The following ICA1 variants were observed in gnomAD, a reference collection of about 807,000 sequenced individuals.
The protein encoded by ICA1 is islet cell autoantigen 1, also known as 69 kDa islet cell autoantigen.
A neutral mutation model predicts 71.0 loss-of-function variants in ICA1; 40 were observed. The ratio of observed to expected loss-of-function variants is 0.56; its 90% CI spans 0.44 to 0.73. The LOEUF (loss-of-function observed/expected upper bound fraction) is 0.73. ICA1 is among the 30% of genes least tolerant of loss of function. The pLI is 0.00. For synonymous variants in ICA1, 207 were observed against 209.5 expected, an observed-to-expected ratio of 0.99 and a Z score of 0.10; for missense variants, 578 against 576.5, an observed-to-expected ratio of 1.00 and a Z score of -0.03.
At chr7:8,194,349 T>A (rs1786694055) in intron 6 of ICA1, among the ~76,000 whole-genome samples, 1 of 152,220 alleles carries the variant, frequency 6.6e-6, no homozygotes, top group Admixed American at 6.5e-5. Flanking sequence ...TAAATTACTT[T>A]TTACAAAAGT....
rs371821494 is a variant in ICA1 at position 8,113,740 on chromosome 7, G to A, written c.*183C>T. ...TATTTAGATCCACATAGAGATACAC[G>A]AAAACCCTTTATACCAAATAAGAGT... On this transcript the variant is annotated 3_prime_UTR_variant, in exon 14 of 14. Coordinates refer to ENST00000402384, the MANE Select transcript of ICA1 (RefSeq NM_001136020.3). This position sits in a 1 kb window ranked among gnomAD's most constrained non-coding sequence, Gnocchi z 4.2. The A allele has an allele frequency of 1.2e-4, 74 of 619,594 alleles. 2 individuals carry two copies. Among genetic ancestry groups the A allele is most frequent in the East Asian group, 7.5e-4 (25 of 33,204 alleles). The allele number at this position is 619,594 out of a possible 1,614,324, so 38.4% of individuals were successfully genotyped here. A position where few individuals can be genotyped will look rare whatever the true frequency, so the allele number is the denominator to read the frequency against.
intron 6 of ICA1, among the ~76,000 whole-genome samples, chr7:8,188,825 G>T (rs2128291319): frequency 6.6e-6 from 1 of 152,264 alleles, no homozygotes; most frequent in East Asian, 1.9e-4. Flanking sequence ...AGTACTTACA[G>T]GAATCAAGAC....
intron 3 of ICA1, among the ~76,000 whole-genome samples, chr7:8,232,136 C>G (rs1800450825): frequency 3.3e-5 from 5 of 152,188 alleles, no homozygotes; most frequent in Admixed American, 3.3e-4. Context: ...ATATTGTTAA[C>G]TAGTCTAACT....
intron 1 of ICA1, among the ~76,000 whole-genome samples, chr7:8,241,150 A>C (rs1246848777): frequency 6.6e-6 from 1 of 152,202 alleles, no homozygotes; most frequent in East Asian, 1.9e-4. Context: ...AAAAAATGTT[A>C]AGGGCAGCCA....
intron 8 of ICA1, chr7:8,156,652 C>T: frequency 1.8e-6 from 1 of 562,654 alleles, no homozygotes; most frequent in Admixed American, 3.9e-5. Context: ...GGATAATACT[C>T]TCAGAATAAA....
chr7:8,134,904 A>C (rs1792852229), intron 12 of ICA1, among the ~76,000 whole-genome samples: 3 of 152,222 alleles, frequency 2.0e-5, no homozygotes, highest in South Asian at 4.2e-4. Flanking sequence ...AAAAAAAAAA[A>C]TTCTTGTTCA....
chr7:8,250,843 A>G (rs565500040), intron 1 of ICA1, among the ~76,000 whole-genome samples: 21 of 152,350 alleles, frequency 1.4e-4, no homozygotes, highest in African/African-American at 4.8e-4. Context: ...GATGCAAGCC[A>G]CTGTTAAAAT....
At chr7:8,196,803 G>A (rs2128315086) in intron 6 of ICA1, among the ~76,000 whole-genome samples, 1 of 152,162 alleles carries the variant, frequency 6.6e-6, no homozygotes, top group South Asian at 2.1e-4. Context: ...TATCACAGGG[G>A]CCAGGTGGAG....
intron 2 of ICA1, among the ~76,000 whole-genome samples, chr7:8,233,897 G>C (rs940784450): frequency 2.4e-4 from 36 of 152,304 alleles, no homozygotes; most frequent in African/African-American, 8.7e-4. Flanking sequence ...GAGGATCACA[G>C]TGAAGAGCAA....
At chr7:8,141,216 C>A (rs1795118395) in intron 10 of ICA1, among the ~76,000 whole-genome samples, 1 of 152,206 alleles carries the variant, frequency 6.6e-6, no homozygotes, top group Non-Finnish European at 1.5e-5. Context: ...CACACTGTGC[C>A]ATCTCCCAAC....
chr7:8,213,630 T>G (rs1242080072), intron 6 of ICA1, among the ~76,000 whole-genome samples: 1 of 152,206 alleles, frequency 6.6e-6, no homozygotes, highest in Non-Finnish European at 1.5e-5. Context: ...AAACCAATGA[T>G]TTCAGCAGTA....
rs538682151 is a variant in ICA1 at position 8,144,265 on chromosome 7, G to A, written c.805-293C>T. 5.3e-5 allele frequency among the ~76,000 whole-genome samples: 8 copies of A among 152,200 alleles called. No individual in the cohort carries two copies. In the East Asian group the frequency reaches 9.6e-4, roughly 18 times the overall value. ...CCATTTTGTGATAAGTTATTCAAAC[G>A]TGGCCTTTTGGCTATTGCTAACTTT... On this transcript the variant is annotated intron_variant, in intron 8 of 13. Transcript: ENST00000402384. This position sits in a 1 kb window ranked among gnomAD's most constrained non-coding sequence, Gnocchi z 4.5.
At chr7:8,255,770 CTTCT>C (rs1302787267) in intron 1 of ICA1, among the ~76,000 whole-genome samples, 1 of 136,364 alleles carries the variant, frequency 7.3e-6, no homozygotes, top group East Asian at 2.1e-4. Context: ...GAAAACCTCA[CTTCT>C]TTCTCTTTTT....
chr7:8,258,109 C>T (rs757788842), intron 1 of ICA1, among the ~76,000 whole-genome samples: 10 of 152,140 alleles, frequency 6.6e-5, no homozygotes, highest in Admixed American at 6.5e-5. Context: ...GGGATGCCCC[C>T]GCCCTGGGCT....
chr7:8,170,429 A>G (rs1807879129), intron 6 of ICA1, among the ~76,000 whole-genome samples: 1 of 152,014 alleles, frequency 6.6e-6, no homozygotes, highest in South Asian at 2.1e-4. Context: ...TTTATTGGAA[A>G]CAATTGACAT....
At chr7:8,181,145 T>G (rs184424174) in intron 6 of ICA1, among the ~76,000 whole-genome samples, 27 of 152,290 alleles carry the variant, frequency 1.8e-4, no homozygotes, top group African/African-American at 4.8e-4. Flanking sequence ...CAGCCCTAGT[T>G]AATTTTTGTG....
In ICA1 at chr7:8,123,657, C is replaced by T. The variant is rs749849650; in HGVS notation, c.1330+4216G>A. 6.6e-6 allele frequency among the ~76,000 whole-genome samples: 1 copy of T among 152,162 alleles called. No homozygotes were observed. Among genetic ancestry groups the T allele is most frequent in the Non-Finnish European group, 1.5e-5 (1 of 68,012 alleles). On this transcript the variant is annotated intron_variant, in intron 13 of 13. Coordinates refer to ENST00000402384, the MANE Select transcript of ICA1 (RefSeq NM_001136020.3). This position sits in a 1 kb window ranked among gnomAD's most constrained non-coding sequence, Gnocchi z 4.1. Reference sequence around the variant, plus strand: ...TGGACTTAGCCTCTGTCTCCCACACCCATTCCTCCTTTATGGCTCCCTAAA... The same window carrying T: ...TGGACTTAGCCTCTGTCTCCCACACTCATTCCTCCTTTATGGCTCCCTAAA...
At chr7:8,239,189 C>A (rs1212644765) in intron 1 of ICA1, among the ~76,000 whole-genome samples, 1 of 152,200 alleles carries the variant, frequency 6.6e-6, no homozygotes, top group African/African-American at 2.4e-5. Context: ...ATACCAGAGA[C>A]AATTAATAAA....
chr7:8,151,574 T>G (rs968082716), intron 8 of ICA1, among the ~76,000 whole-genome samples: 10 of 152,218 alleles, frequency 6.6e-5, no homozygotes, highest in African/African-American at 2.2e-4. Flanking sequence ...CCATATGTAA[T>G]TGTCTTGTTG....
Sources: allele counts gnomAD v4.1 joint callset (sites outside exome capture counted in the v4.1 genomes callset), GRCh38; gene constraint gnomAD v4.1.1; non-coding constraint Gnocchi (gnomAD v3.1); transcripts MANE v1.5; gene names NCBI Gene and HGNC (gene_info 2026-07-23, HGNC 2026-07-21).